CUX2: variants seen among roughly 807,000 people sequenced by gnomAD.
CUX2 encodes cut like homeobox 2, also known as homeobox protein cut-like 2.
Under a neutral mutation model 144.8 loss-of-function variants are expected in CUX2, and 40 were observed. The ratio of observed to expected loss-of-function variants is 0.28; its 90% CI spans 0.21 to 0.36. The LOEUF (loss-of-function observed/expected upper bound fraction) is 0.36, where lower values mean the gene tolerates loss of function less well. Ranked by LOEUF, CUX2 falls within the 10% of genes least tolerant of loss-of-function variation. The pLI is 1.00. For missense variants in CUX2, 1,615 were observed against 1,994.0 expected, an observed-to-expected ratio of 0.81 and a Z score of 3.62; for synonymous variants, 827 against 875.6, an observed-to-expected ratio of 0.94 and a Z score of 0.98.
At chr12:111,120,543 G>A (rs1874585035) in intron 1 of CUX2, among the ~76,000 whole-genome samples, 1 of 152,000 alleles carries the variant, frequency 6.6e-6, no homozygotes, top group African/African-American at 2.4e-5. Context: ...ATATTGGGAA[G>A]CCTGGTAGAA....
In CUX2 at chr12:111,347,854, G is replaced by C. The variant is rs1310324169; in HGVS notation, c.3990G>C (p.Glu1330Asp). Residue 1330 changes from glutamate to aspartate, a missense_variant, in exon 22 of 22, where the codon GAG (glutamate) becomes GAC (aspartate). Physicochemically the swap from Glu to Asp is conservative, Grantham distance 45. Coordinates refer to ENST00000261726, the MANE Select transcript of CUX2 (RefSeq NM_015267.4). ...ACAAAGGCCAAGGTCCCCCCAAAGA[G>C]GAGCATCCCGACCCTCCGGGTAATG... is the stretch of plus-strand genomic sequence containing the variant. ...ELDKGQGPPKEEHPDPPGNDG... is the reference protein window; with the variant it reads ...ELDKGQGPPKDEHPDPPGNDG... 1 of 1,614,150 alleles carries C rather than the reference G, an allele frequency of 6.2e-7. No individual in the cohort carries two copies. Among genetic ancestry groups the C allele is most frequent in the East Asian group, 2.2e-5 (1 of 44,876 alleles).
chr12:111,077,318 G>T lies in CUX2; in HGVS notation c.63+43078G>T, dbSNP rs1387788943. On this transcript the variant is annotated intron_variant, in intron 1 of 21. Coordinates refer to ENST00000261726, the MANE Select transcript of CUX2 (RefSeq NM_015267.4). This position sits in a 1 kb window ranked among gnomAD's most constrained non-coding sequence, Gnocchi z 4.1. Reference sequence around the variant, plus strand: ...TGTGGCAGGGCCCGGGAAGACGTGGGTAATGTATTCACAGACATGACTCCC... The same window carrying T: ...TGTGGCAGGGCCCGGGAAGACGTGGTTAATGTATTCACAGACATGACTCCC... 1.3e-5 allele frequency among the ~76,000 whole-genome samples: 2 copies of T among 152,176 alleles called. No homozygotes were observed. Among genetic ancestry groups the T allele is most frequent in the African/African-American group, 2.4e-5 (1 of 41,442 alleles).
chr12:111,217,266 C>T (rs1483580582), intron 2 of CUX2, among the ~76,000 whole-genome samples: 4 of 152,202 alleles, frequency 2.6e-5, no homozygotes, highest in East Asian at 1.9e-4. Context: ...TTGCAGAGCT[C>T]GAATGGGGTA....
intron 4 of CUX2, among the ~76,000 whole-genome samples, chr12:111,267,538 A>G (rs1219710364): frequency 6.6e-6 from 1 of 152,180 alleles, no homozygotes; most frequent in Non-Finnish European, 1.5e-5. Context: ...TCCGTGTGAC[A>G]AGCTGGCTGC....
chr12:111,306,731 A>G (rs766332394), intron 10 of CUX2, among the ~76,000 whole-genome samples, 190 bp from the exon 11 acceptor site: 14 of 152,156 alleles, frequency 9.2e-5, no homozygotes, highest in Non-Finnish European at 2.1e-4. Flanking sequence ...TCAAAGTGTA[A>G]CTTAATACAT....
intron 1 of CUX2, among the ~76,000 whole-genome samples, chr12:111,139,760 C>T (rs750476958): frequency 5.3e-5 from 8 of 152,164 alleles, no homozygotes; most frequent in Non-Finnish European, 1.0e-4. Context: ...AAGGTCATGG[C>T]AAATAGGATA....
intron 1 of CUX2, among the ~76,000 whole-genome samples, chr12:111,046,520 G>T (rs79434441): frequency 6.6e-6 from 1 of 152,320 alleles, no homozygotes; most frequent in East Asian, 1.9e-4. Flanking sequence ...ACCCAGGGCT[G>T]TTGGCCACCC....
intron 1 of CUX2, among the ~76,000 whole-genome samples, chr12:111,195,643 T>C (rs374684211): frequency 1.2e-4 from 18 of 152,336 alleles, no homozygotes; most frequent in African/African-American, 4.3e-4. Flanking sequence ...CCTGAGCCCT[T>C]GGGTCTGCCA....
rs549022157 is a variant in CUX2 at position 111,074,675 on chromosome 12, T to G, written c.63+40435T>G. On this transcript the variant is annotated intron_variant, in intron 1 of 21. Transcript: ENST00000261726. ...TTGGCAGCAGGAGGGAAGTGGGGGGTTGTGGGCACCAGAACCAACTGCATT... is the reference window on the plus strand; with the variant it reads ...TTGGCAGCAGGAGGGAAGTGGGGGGGTGTGGGCACCAGAACCAACTGCATT... Among the ~76,000 whole-genome samples the G allele has an allele frequency of 3.3e-5, 5 of 151,588 alleles. No homozygotes were observed. In the South Asian group the frequency reaches 6.3e-4, roughly 19 times the overall value.
chr12:111,119,425 G>A (rs1456069471), intron 1 of CUX2, among the ~76,000 whole-genome samples: 4 of 151,352 alleles, frequency 2.6e-5, no homozygotes, highest in Non-Finnish European at 4.4e-5. Context: ...GCAACATAGC[G>A]AGACCCCATC....
At chr12:111,218,256 G>A (rs1013234640) in intron 3 of CUX2, among the ~76,000 whole-genome samples, 10 of 152,184 alleles carry the variant, frequency 6.6e-5, no homozygotes, top group Non-Finnish European at 1.5e-4. Flanking sequence ...GCTCACACCT[G>A]TAATCCCAGT....
intron 1 of CUX2, among the ~76,000 whole-genome samples, chr12:111,046,665 A>T (rs934472104): frequency 4.6e-5 from 7 of 151,062 alleles, no homozygotes; most frequent in Non-Finnish European, 8.9e-5. Context: ...ATTTTTATTT[A>T]TTTTTTTTTG....
chr12:111,233,986 C>G (rs1245031016), intron 3 of CUX2, among the ~76,000 whole-genome samples: 1 of 151,916 alleles, frequency 6.6e-6, no homozygotes, highest in Non-Finnish European at 1.5e-5. Context: ...ACATGATGGC[C>G]CTCCTAGGAG....
chr12:111,312,344 C>T lies in CUX2; in HGVS notation c.2002+143C>T, dbSNP rs931167237. ...AGAGGCCAGAGGGACCTGTCTAGAG[C>T]GCATGGGTAGCTGTGGCACTGCTCA... is the stretch of plus-strand genomic sequence containing the variant. On this transcript the variant is annotated intron_variant, in intron 16 of 21. Transcript: ENST00000261726. The surrounding 1 kb of genome is among the most constrained non-coding windows in gnomAD (Gnocchi z 4.3). The T allele has an allele frequency of 3.0e-5, 19 of 630,594 alleles. No homozygotes were observed. Among genetic ancestry groups the T allele is most frequent in the Non-Finnish European group, 4.9e-5 (18 of 365,798 alleles). 39.1% of individuals were successfully genotyped at this position (630,594 alleles called of 1,614,324 possible).
At chr12:111,250,087 C>CA (rs1565872582) in intron 3 of CUX2, among the ~76,000 whole-genome samples, 4 of 150,578 alleles carry the variant, frequency 2.7e-5, no homozygotes, top group Non-Finnish European at 4.4e-5. Flanking sequence ...ATGGCTGCTA[C>CA]AAAAAAAAAG....
chr12:111,254,162 G>A (rs1883699293), intron 3 of CUX2, among the ~76,000 whole-genome samples: 1 of 152,196 alleles, frequency 6.6e-6, no homozygotes, highest in Non-Finnish European at 1.5e-5. Context: ...GGATGCGTGG[G>A]TGCCCTGTGT....
intron 1 of CUX2, among the ~76,000 whole-genome samples, chr12:111,194,200 C>G (rs528583202): frequency 1.2e-4 from 18 of 152,286 alleles, no homozygotes; most frequent in South Asian, 4.2e-4. Flanking sequence ...CTTAACCTCT[C>G]TGTGCCTCAG....
intron 4 of CUX2, among the ~76,000 whole-genome samples, chr12:111,265,178 G>C (rs1216815883): frequency 6.6e-6 from 1 of 152,020 alleles, no homozygotes. Context: ...CCTGGGAGGG[G>C]CCTCTGGGTG....
intron 9 of CUX2, among the ~76,000 whole-genome samples, chr12:111,303,782 G>A (rs1886436057): frequency 1.3e-5 from 2 of 152,166 alleles, no homozygotes; most frequent in African/African-American, 4.8e-5. Flanking sequence ...CATGAGAGTT[G>A]GAACAGCTCT....
Sources: allele counts gnomAD v4.1 joint callset (sites outside exome capture counted in the v4.1 genomes callset), GRCh38; gene constraint gnomAD v4.1.1; non-coding constraint Gnocchi (gnomAD v3.1); transcripts MANE v1.5; gene names NCBI Gene and HGNC (gene_info 2026-07-23, HGNC 2026-07-21).